The following ACOT1 variants were observed in gnomAD, a reference collection of about 807,000 sequenced individuals.
ACOT1 encodes the protein acyl-CoA thioesterase 1.
A neutral mutation model predicts 15.7 loss-of-function variants in ACOT1; 8 were observed. The ratio of observed to expected loss-of-function variants is 0.51; its 90% CI spans 0.30 to 0.92. The LOEUF (loss-of-function observed/expected upper bound fraction) is 0.92. Among genes scored for constraint, ACOT1 ranks in the 40% least tolerant of loss-of-function variants. The probability of loss-of-function intolerance (pLI) is 0.06; values close to 1 mark genes in which losing one functional copy is unlikely to be tolerated. For synonymous variants in ACOT1, 67 were observed against 241.2 expected, an observed-to-expected ratio of 0.28 and a Z score of 6.69; for missense variants, 151 against 539.4, an observed-to-expected ratio of 0.28 and a Z score of 7.13.
chr14:73,502,309 A>G, the ACOT1 span, among the ~76,000 whole-genome samples: 1 of 151,872 alleles, frequency 6.6e-6, no homozygotes, highest in African/African-American at 2.4e-5. Context: ...CTAGTTTTTA[A>G]TGATTTGGTA....
At chr14:73,499,080 C>T in the ACOT1 span, 13 of 1,614,068 alleles carry the variant, frequency 8.1e-6, no homozygotes, top group Non-Finnish European at 1.1e-5. Context: ...CCTCGAATGG[C>T]AAAGGCCTTG....
the ACOT1 span, chr14:73,509,236 A>AT: frequency 7.3e-7 from 1 of 1,371,444 alleles, no homozygotes; most frequent in Non-Finnish European, 1.0e-6. Context: ...CACAGTGGAG[A>AT]GGAAAGGACT....
the ACOT1 span, among the ~76,000 whole-genome samples, chr14:73,523,925 G>GTC: frequency 6.6e-6 from 1 of 152,098 alleles, no homozygotes; most frequent in Admixed American, 6.6e-5. Context: ...CAGTGACCAT[G>GTC]TCTCCCATTT....
the ACOT1 span, chr14:73,528,843 G>A: frequency 1.3e-5 from 2 of 152,162 alleles, no homozygotes; most frequent in Non-Finnish European, 2.9e-5. Context: ...TGAGCGCTTC[G>A]GGAAGAATTT....
the ACOT1 span, chr14:73,512,085 G>A: frequency 5.6e-5 from 90 of 1,614,028 alleles, no homozygotes; most frequent in Middle Eastern, 1.2e-3. Flanking sequence ...TGATCCGAAC[G>A]TCATCATGCA....
the ACOT1 span, chr14:73,522,399 A>T: frequency 6.2e-7 from 1 of 1,614,234 alleles, no homozygotes; most frequent in South Asian, 1.1e-5. Context: ...TCACTGGCAG[A>T]GGTAAGCTCA....
At chr14:73,527,713 C>T in the ACOT1 span, among the ~76,000 whole-genome samples, 1 of 151,934 alleles carries the variant, frequency 6.6e-6, no homozygotes, top group Non-Finnish European at 1.5e-5. Flanking sequence ...CAGGATGGCT[C>T]ATGCCTGTAA....
the ACOT1 span, chr14:73,491,893 C>G: frequency 1.2e-6 from 2 of 1,611,732 alleles, no homozygotes; most frequent in Non-Finnish European, 1.7e-6. Flanking sequence ...TGTACCAGGC[C>G]GGCTGCTCCC....
At chr14:73,491,044 G>C in the ACOT1 span, 3 of 1,586,798 alleles carry the variant, frequency 1.9e-6, no homozygotes, top group Non-Finnish European at 2.6e-6. Flanking sequence ...CCAGTGCAGG[G>C]CCGTTGAGGC....
rs1889148153 is a variant in ACOT1, at chr14:73,543,097, G to C, written c.708G>C (p.Glu236Asp). 6.3e-7 allele frequency: 1 copy of C among 1,584,032 alleles called. No individual in the cohort carries two copies. Among genetic ancestry groups the C allele is most frequent in the South Asian group, 1.1e-5 (1 of 89,910 alleles). Reference protein sequence around the residue: ...VGLLGISKGGELCLSMASFLK... With the variant: ...VGLLGISKGGDLCLSMASFLK... Reference sequence around the variant, plus strand: ...TGCTTGGAATTTCCAAAGGGGGTGAGCTCTGCCTTTCCATGGCCTCTTTCC... The same window carrying C: ...TGCTTGGAATTTCCAAAGGGGGTGACCTCTGCCTTTCCATGGCCTCTTTCC... Residue 236 changes from glutamate to aspartate, a missense_variant, in exon 3 of 3, where the codon GAG (glutamate) becomes GAC (aspartate). Glu to Asp is a conservative substitution (Grantham distance 45, BLOSUM62 2). Coordinates refer to ENST00000311148, the MANE Select transcript of ACOT1 (RefSeq NM_001037161.2).
chr14:73,513,915 C>G, the ACOT1 span: 1 of 1,067,854 alleles, frequency 9.4e-7, no homozygotes, highest in East Asian at 2.4e-5. Flanking sequence ...ATGAGGCAAC[C>G]AGATTTTTAC....
the ACOT1 span, among the ~76,000 whole-genome samples, chr14:73,495,026 A>C: frequency 6.7e-6 from 1 of 149,266 alleles, no homozygotes; most frequent in South Asian, 2.1e-4. Context: ...TTTAAGGGAG[A>C]AAATAAATGA....
At chr14:73,491,970 A>G in the ACOT1 span, 2 of 1,613,958 alleles carry the variant, frequency 1.2e-6, no homozygotes, top group Non-Finnish European at 8.5e-7. Flanking sequence ...CTTCAAGAGC[A>G]GTTTGGAAGC....
At chr14:73,504,926 C>T in the ACOT1 span, among the ~76,000 whole-genome samples, 61 of 152,004 alleles carry the variant, frequency 4.0e-4, no homozygotes, top group Non-Finnish European at 7.7e-4. Flanking sequence ...CCATCTTCAC[C>T]GACAGTTGGT....
chr14:73,497,549 T>C, the ACOT1 span, among the ~76,000 whole-genome samples: 1 of 152,244 alleles, frequency 6.6e-6, no homozygotes, highest in East Asian at 1.9e-4. Flanking sequence ...ATTCAAACCC[T>C]GGTCTTTTTG....
chr14:73,521,116 C>G, the ACOT1 span: 1 of 1,279,602 alleles, frequency 7.8e-7, no homozygotes, highest in Non-Finnish European at 1.1e-6. Flanking sequence ...ATCCACAGCT[C>G]GTTCCCTTTC....
the ACOT1 span, among the ~76,000 whole-genome samples, chr14:73,501,148 T>C: frequency 6.6e-6 from 1 of 152,228 alleles, no homozygotes; most frequent in Non-Finnish European, 1.5e-5. Context: ...AGATGGAGTC[T>C]CGCTCTGTTG....
chr14:73,498,967 C>T, the ACOT1 span: 4 of 923,100 alleles, frequency 4.3e-6, no homozygotes, highest in East Asian at 4.8e-5. Context: ...AGATCATTAC[C>T]TCTCCTGCAC....
At chr14:73,526,278 G>A in the ACOT1 span, among the ~76,000 whole-genome samples, 3 of 152,242 alleles carry the variant, frequency 2.0e-5, no homozygotes, top group Non-Finnish European at 4.4e-5. Context: ...CTCAGGTAGA[G>A]TGGGACAGAC....
Sources: gnomAD v4.1 joint callset for allele counts (sites outside exome capture counted in the v4.1 genomes callset) on GRCh38, gnomAD v4.1.1 for gene constraint, MANE v1.5 for transcripts, NCBI Gene and HGNC (gene_info 2026-07-23, HGNC 2026-07-21) for gene names.